The following TTC17 variants were observed in gnomAD, a reference collection of about 807,000 sequenced individuals.
The protein encoded by TTC17 is tetratricopeptide repeat protein 17.
In TTC17, 58 loss-of-function variants were observed where a neutral mutation model predicts 143.8. The ratio of observed to expected loss-of-function variants is 0.40; its 90% CI spans 0.33 to 0.50. TTC17 has a LOEUF of 0.50. Ranked by LOEUF, TTC17 falls within the 20% of genes least tolerant of loss-of-function variation. TTC17 has a pLI of 0.49. For missense variants in TTC17, 1,273 were observed against 1,392.5 expected, an observed-to-expected ratio of 0.91 and a Z score of 1.37; for synonymous variants, 501 against 497.8, an observed-to-expected ratio of 1.01 and a Z score of -0.09.
At chr11:43,450,477 G>A (rs540514760) in intron 20 of TTC17, among the ~76,000 whole-genome samples, 2 of 152,132 alleles carry the variant, frequency 1.3e-5, no homozygotes, top group Admixed American at 1.3e-4. Flanking sequence ...ACCCCTCAAG[G>A]GGGGTAGTTC....
intron 16 of TTC17, among the ~76,000 whole-genome samples, chr11:43,417,980 A>G (rs1266269117): frequency 6.6e-6 from 1 of 152,218 alleles, no homozygotes; most frequent in African/African-American, 2.4e-5. Flanking sequence ...TTTCATATAT[A>G]ATCATGGAAT....
At chr11:43,395,633 T>G (rs1180512476) in intron 5 of TTC17, 4 of 152,194 alleles carry the variant, frequency 2.6e-5, no homozygotes, top group African/African-American at 9.7e-5. Flanking sequence ...AATCTGTAAT[T>G]GCATCACTCA....
chr11:43,463,501 T>G (rs953972663), intron 21 of TTC17, among the ~76,000 whole-genome samples: 1 of 151,740 alleles, frequency 6.6e-6, no homozygotes, highest in Non-Finnish European at 1.5e-5. Context: ...AGAAAATACC[T>G]TAGGCAATTT....
chr11:43,446,133 T>G, intron 18 of TTC17: 1 of 1,373,118 alleles, frequency 7.3e-7, no homozygotes, highest in Non-Finnish European at 9.4e-7. Context: ...CTGTGTACCC[T>G]TCAACACCAT....
At chr11:43,376,617 C>T (rs1438689925) in intron 1 of TTC17, among the ~76,000 whole-genome samples, 4 of 152,138 alleles carry the variant, frequency 2.6e-5, no homozygotes. Context: ...CTTACAGCAG[C>T]CTCTTTTCAA....
In TTC17 at chr11:43,492,153, A is replaced by C; in HGVS notation, c.3284A>C (p.Tyr1095Ser). The C allele has an allele frequency of 6.2e-7, 1 of 1,614,060 alleles. No homozygotes were observed. Among genetic ancestry groups the C allele is most frequent in the Non-Finnish European group, 8.5e-7 (1 of 1,179,962 alleles). The change falls in exon 23 of 24, where the codon TAC (tyrosine) becomes TCC (serine). Residue 1095 changes from tyrosine to serine, a missense_variant. Tyr to Ser is a moderately radical substitution (Grantham distance 144). Coordinates refer to ENST00000039989, the MANE Select transcript of TTC17 (RefSeq NM_018259.6). ...AVNHFTLGNV[Y>S]VAMEEFEKAL... ...AACCACTTCACTCTGGGCAATGTCT[A>C]CGTGGCAATGGTGAGATGGGGGTGT...
intron 18 of TTC17, chr11:43,446,129 A>G: frequency 7.2e-7 from 1 of 1,380,332 alleles, no homozygotes; most frequent in Non-Finnish European, 9.4e-7. Context: ...GCCTCTGTGT[A>G]CCCTTCAACA....
chr11:43,492,070 G>C lies in TTC17; in HGVS notation c.3201G>C (p.Trp1067Cys), dbSNP rs749658323. Residue 1067 changes from tryptophan (W) to cysteine (C), a missense_variant, in exon 23 of 24, where the codon TGG becomes TGC. Coordinates refer to ENST00000039989, the MANE Select transcript of TTC17 (RefSeq NM_018259.6). ...LANILHNAKL[W>C]NDAVIVATMA... ...ACATCTTGCACAATGCCAAGCTCTG[G>C]AATGACGCCGTCATAGTAGCCACCA... is the stretch of plus-strand genomic sequence containing the variant. 2 of 1,614,094 alleles carry C rather than the reference G, an allele frequency of 1.2e-6. No homozygotes were observed. The highest frequency in any genetic ancestry group is 1.7e-5 in the Admixed American group (1 of 59,998).
intron 1 of TTC17, 118 bp downstream of exon 1, chr11:43,359,231 A>T (rs2134415546): frequency 7.7e-7 from 1 of 1,302,520 alleles, no homozygotes; most frequent in Middle Eastern, 2.5e-4. Context: ...CCTCACAGGG[A>T]GGTGGCACCG....
At chr11:43,370,214 C>A (rs1856510278) in intron 1 of TTC17, 1 of 380,830 alleles carries the variant, frequency 2.6e-6, no homozygotes, top group African/African-American at 2.1e-5. Context: ...GAGATAATTC[C>A]ATGAGAAGTG....
chr11:43,380,585 G>C (rs1271893875), intron 2 of TTC17, among the ~76,000 whole-genome samples: 1 of 152,164 alleles, frequency 6.6e-6, no homozygotes, highest in Non-Finnish European at 1.5e-5. Context: ...AGCCAAGTTG[G>C]CATGTATTTT....
chr11:43,395,386 C>T (rs1311656271), intron 5 of TTC17: 4 of 152,208 alleles, frequency 2.6e-5, no homozygotes, highest in Non-Finnish European at 5.9e-5. Context: ...AGGCATGAGC[C>T]ACCGCGCCCG....
rs375409038 is a variant in TTC17, at chr11:43,450,224, G to A, written c.2929G>A (p.Glu977Lys). The A allele has an allele frequency of 1.2e-6, 2 of 1,613,838 alleles. No individual in the cohort carries two copies. The change falls in exon 20 of 24, where the codon GAG becomes AAG. Residue 977 changes from glutamate to lysine, a missense_variant. Glu to Lys is a moderately conservative substitution (Grantham distance 56). Transcript: ENST00000039989. ...SNRASLHYTG[E>K]SQLTEVLQNL... ...CCGAGCCAGCCTGCACTACACAGGG[G>A]AGAGTCAGTTAACAGAGGTGAGTGC...
At chr11:43,446,054 C>T in intron 18 of TTC17, 1 of 1,520,756 alleles carries the variant, frequency 6.6e-7, no homozygotes, top group Non-Finnish European at 8.8e-7. Flanking sequence ...GGCTTGAAGC[C>T]TTCCCATTGC....
Position 43,393,035 on chromosome 11 carries a change from A to G in TTC17, c.663+1083A>G, listed in dbSNP as rs1857447291. Among the ~76,000 whole-genome samples the G allele has an allele frequency of 5.9e-5, 9 of 152,332 alleles. No homozygotes were observed. The South Asian group carries it at 1.9e-3, about 32-fold the overall frequency. ...GTATTTGTCTGCTCAGGCTTCCATA[A>G]CAAAGTACCACTTTGGACCGTTTCT... On this transcript the variant is annotated intron_variant, in intron 5 of 23. Coordinates refer to ENST00000039989, the MANE Select transcript of TTC17 (RefSeq NM_018259.6).
At chr11:43,444,417 A>G (rs989859303) in intron 18 of TTC17, 1 of 396,948 alleles carries the variant, frequency 2.5e-6, no homozygotes. Flanking sequence ...TGGATTTAAC[A>G]TTATGTGTAA....
chr11:43,461,105 C>T (rs1023645838), intron 21 of TTC17, among the ~76,000 whole-genome samples: 1 of 152,200 alleles, frequency 6.6e-6, no homozygotes, highest in Non-Finnish European at 1.5e-5. Flanking sequence ...TAGAAGCCGG[C>T]CGGGCGCGGT....
intron 21 of TTC17, among the ~76,000 whole-genome samples, chr11:43,471,423 G>A (rs1295813466): frequency 2.0e-5 from 3 of 152,176 alleles, no homozygotes; most frequent in African/African-American, 4.8e-5. Flanking sequence ...TCATGTGCTT[G>A]TCTCCTTCCC....
At position 43,405,769 on chromosome 11, in the gene TTC17, C is replaced by A; in HGVS notation, c.1596-17C>A. 1 of 1,612,844 alleles carries A rather than the reference C, an allele frequency of 6.2e-7. No homozygotes were observed. The highest frequency in any genetic ancestry group is 1.1e-5 in the South Asian group (1 of 90,860). On this transcript the variant is annotated splice_polypyrimidine_tract_variant and intron_variant, in intron 12 of 23. Coordinates refer to ENST00000039989, the MANE Select transcript of TTC17 (RefSeq NM_018259.6). ...AAACTTTGAAAATATGAATCTTGTT[C>A]CTTTTTCTTGTGCCAGGATCCACGA... is the stretch of plus-strand genomic sequence containing the variant.
Sources: allele counts gnomAD v4.1 joint callset (sites outside exome capture counted in the v4.1 genomes callset), GRCh38; gene constraint gnomAD v4.1.1; transcripts MANE v1.5; gene names NCBI Gene and HGNC (gene_info 2026-07-23, HGNC 2026-07-21).